The following ITSN1 variants were observed in gnomAD, a reference collection of about 807,000 sequenced individuals.
The protein encoded by ITSN1 is intersectin-1.
A neutral mutation model predicts 239.8 loss-of-function variants in ITSN1; 58 were observed. The ratio of observed to expected loss-of-function variants is 0.24; its 90% confidence interval spans 0.20 to 0.30. The LOEUF (loss-of-function observed/expected upper bound fraction) is 0.30. ITSN1 is among the 10% of genes least tolerant of loss of function. The pLI is 1.00. For missense variants in ITSN1, 1,558 were observed against 2,103.3 expected (o/e 0.74, Z 5.07); for synonymous variants, 780 against 770.8 (o/e 1.01, Z -0.20).
At chr21:33,743,745 G>A (rs546041065) in intron 5 of ITSN1, among the ~76,000 whole-genome samples, 12 of 152,306 alleles carry the variant, frequency 7.9e-5, no homozygotes, top group African/African-American at 2.6e-4. Flanking sequence ...ATTTAGACAT[G>A]TAGAAAAAGA....
At chr21:33,743,121 G>A (rs1257495604) in intron 5 of ITSN1, among the ~76,000 whole-genome samples, 4 of 152,120 alleles carry the variant, frequency 2.6e-5, no homozygotes, top group Non-Finnish European at 4.4e-5. Context: ...CAACACAGGG[G>A]ATACTAACTG....
intron 1 of ITSN1, among the ~76,000 whole-genome samples, chr21:33,661,069 A>G (rs2089514534): frequency 6.6e-6 from 1 of 152,224 alleles, no homozygotes; most frequent in Non-Finnish European, 1.5e-5. Context: ...GTTTTCCAAA[A>G]TTCTAATTTT....
chr21:33,772,992 G>A (rs2147795376), intron 12 of ITSN1, among the ~76,000 whole-genome samples: 1 of 149,846 alleles, frequency 6.7e-6, no homozygotes, highest in East Asian at 1.9e-4. Flanking sequence ...ACATTGTTCT[G>A]CAATCTTCTT....
Position 33,652,514 on chromosome 21 carries a change from A to G in ITSN1, c.-33+9801A>G, listed in dbSNP as rs1200985662. On this transcript the variant is annotated intron_variant, in intron 1 of 39. Transcript: ENST00000381318. ...TATGTAATCAGTCACTTATTGCTGG[A>G]CCTATAGATTCTTTGTCTTTTTGCT... Among the ~76,000 whole-genome samples, 3 of 152,004 alleles carry G rather than the reference A, an allele frequency of 2.0e-5. 1 individual carries two copies. The highest frequency in any genetic ancestry group is 7.3e-5 in the African/African-American group (3 of 41,308).
chr21:33,791,358 G>A (rs1056361099), intron 16 of ITSN1, among the ~76,000 whole-genome samples: 1 of 152,146 alleles, frequency 6.6e-6, no homozygotes, highest in African/African-American at 2.4e-5. Context: ...TTATTTTATG[G>A]TTCCTGCAAG....
At chr21:33,787,930 C>G (rs2070794334) in intron 16 of ITSN1, among the ~76,000 whole-genome samples, 1 of 152,194 alleles carries the variant, frequency 6.6e-6, no homozygotes, top group African/African-American at 2.4e-5. Flanking sequence ...AACTCTCATT[C>G]TGTCAGATTC....
chr21:33,770,165 G>C (rs1377806212), intron 11 of ITSN1, among the ~76,000 whole-genome samples: 14 of 152,026 alleles, frequency 9.2e-5, no homozygotes, highest in Admixed American at 9.2e-4. Flanking sequence ...CCGGGTTCAA[G>C]CGATTCTTCT....
intron 22 of ITSN1, chr21:33,817,691 A>C: frequency 3.1e-4 from 340 of 1,106,784 alleles, no homozygotes; most frequent in Middle Eastern, 4.1e-4. Flanking sequence ...CTGTAATCTC[A>C]TGGGGCAGTG....
At chr21:33,724,282 A>G (rs1017813586) in intron 4 of ITSN1, among the ~76,000 whole-genome samples, 1 of 152,280 alleles carries the variant, frequency 6.6e-6, no homozygotes, top group Non-Finnish European at 1.5e-5. Context: ...CTTCTGATCT[A>G]TTAGAGCTAA....
At chr21:33,693,742 TG>T (rs1261782462) in intron 1 of ITSN1, among the ~76,000 whole-genome samples, 2 of 152,254 alleles carry the variant, frequency 1.3e-5, no homozygotes, top group Non-Finnish European at 2.9e-5. Context: ...ACTGCTATTC[TG>T]CAGTGATTTC....
intron 29 of ITSN1, among the ~76,000 whole-genome samples, chr21:33,854,420 G>A (rs546701676): frequency 3.8e-4 from 58 of 152,208 alleles, no homozygotes; most frequent in Non-Finnish European, 6.3e-4. Context: ...CTAATGCAGG[G>A]GCTGCATTCA....
intron 38 of ITSN1, among the ~76,000 whole-genome samples, chr21:33,885,921 G>A (rs1292011766): frequency 2.6e-5 from 4 of 151,954 alleles, no homozygotes; most frequent in African/African-American, 9.7e-5. Flanking sequence ...TAAGAGTGGG[G>A]AGCGGCCGGG....
chr21:33,688,582 T>G (rs984737392), intron 1 of ITSN1, among the ~76,000 whole-genome samples: 2 of 152,304 alleles, frequency 1.3e-5, no homozygotes, highest in African/African-American at 4.8e-5. Context: ...AATGTAGTCT[T>G]GTCTGAGAAA....
At chr21:33,648,240 C>T (rs986105273) in intron 1 of ITSN1, among the ~76,000 whole-genome samples, 4 of 152,100 alleles carry the variant, frequency 2.6e-5, no homozygotes, top group South Asian at 2.1e-4. Flanking sequence ...TAGCTAATGT[C>T]GATTAAGTTC....
At chr21:33,660,269 T>C (rs1243781244) in intron 1 of ITSN1, among the ~76,000 whole-genome samples, 1 of 152,216 alleles carries the variant, frequency 6.6e-6, no homozygotes, top group Non-Finnish European at 1.5e-5. Flanking sequence ...TTCCCCGTGC[T>C]TTTATCTCCT....
intron 1 of ITSN1, among the ~76,000 whole-genome samples, chr21:33,655,526 T>TC (rs2088972385): frequency 6.7e-6 from 1 of 148,426 alleles, no homozygotes; most frequent in African/African-American, 2.5e-5. Context: ...GTTCAAACAA[T>TC]CCCCCCACCT....
intron 29 of ITSN1, chr21:33,838,161 G>T (rs2074692492): frequency 2.0e-6 from 2 of 985,360 alleles, no homozygotes; most frequent in African/African-American, 3.5e-5. Context: ...CTAGTTGGAA[G>T]CTCTCAATAA....
chr21:33,760,750 T>C (rs958753645), intron 8 of ITSN1, among the ~76,000 whole-genome samples: 2 of 152,074 alleles, frequency 1.3e-5, no homozygotes, highest in African/African-American at 2.4e-5. Context: ...AATAAAGAAA[T>C]AGCAAAAAGC....
chr21:33,795,524 C>T (rs1040766789), intron 17 of ITSN1, among the ~76,000 whole-genome samples: 3 of 152,110 alleles, frequency 2.0e-5, no homozygotes, highest in African/African-American at 7.2e-5. Context: ...GTTCAGTTAA[C>T]CTGCCAAGAG....
Sources: allele counts gnomAD v4.1 joint callset (sites outside exome capture counted in the v4.1 genomes callset), GRCh38; gene constraint gnomAD v4.1.1; transcripts MANE v1.5; gene names NCBI Gene and HGNC (gene_info 2026-07-23, HGNC 2026-07-21).